RBFOX1: variants seen among roughly 807,000 people sequenced by gnomAD.
The protein encoded by RBFOX1 is RNA binding fox-1 homolog 1.
RBFOX1 carries 8 observed loss-of-function variants against 57.7 expected under a neutral mutation model. That is an observed-to-expected ratio of 0.14 (90% CI 0.08 to 0.25). The LOEUF is 0.25. RBFOX1 is among the 10% of genes least tolerant of loss of function. The pLI, the probability that RBFOX1 is intolerant of heterozygous loss-of-function variation, is 1.00. For synonymous variants in RBFOX1, 326 were observed against 222.4 expected, an observed-to-expected ratio of 1.47 and a Z score of -4.15; for missense variants, 611 against 548.5, an observed-to-expected ratio of 1.11 and a Z score of -1.14.
intron 3 of RBFOX1, among the ~76,000 whole-genome samples, chr16:7,015,307 G>A (rs893998727): frequency 6.6e-6 from 1 of 152,112 alleles, no homozygotes; most frequent in Admixed American, 6.5e-5. Context: ...TCCTGGGATT[G>A]TTCTTCTAGA....
intron 4 of RBFOX1, among the ~76,000 whole-genome samples, chr16:5,992,808 C>T (rs1167333359): frequency 6.6e-6 from 1 of 152,100 alleles, no homozygotes; most frequent in Non-Finnish European, 1.5e-5. Context: ...GTGGCAGGTG[C>T]CTGTAATCCC....
At chr16:7,586,575 T>C (rs1187383413) in intron 6 of RBFOX1, among the ~76,000 whole-genome samples, 1 of 152,204 alleles carries the variant, frequency 6.6e-6, no homozygotes, top group East Asian at 1.9e-4. Flanking sequence ...GTGTCTGCAT[T>C]TTATTTGTCT....
At chr16:6,823,865 G>C (rs902837897) in intron 3 of RBFOX1, among the ~76,000 whole-genome samples, 10 of 152,116 alleles carry the variant, frequency 6.6e-5, no homozygotes, top group South Asian at 4.1e-4. Context: ...CTGTGGGCTG[G>C]GGTTGAGGGG....
intron 4 of RBFOX1, among the ~76,000 whole-genome samples, chr16:7,221,769 T>C (rs2092749907): frequency 1.3e-5 from 2 of 152,232 alleles, no homozygotes; most frequent in Non-Finnish European, 2.9e-5. Context: ...AAGTTTGTTA[T>C]TCTACCAGAA....
At chr16:7,707,982 T>A (rs1046012884) in intron 14 of RBFOX1, among the ~76,000 whole-genome samples, 1 of 152,150 alleles carries the variant, frequency 6.6e-6, no homozygotes, top group Non-Finnish European at 1.5e-5. Context: ...CAGGAAAATA[T>A]CTGGCAGGGC....
chr16:6,838,580 C>T (rs1310304069), intron 3 of RBFOX1, among the ~76,000 whole-genome samples: 2 of 152,204 alleles, frequency 1.3e-5, no homozygotes, highest in African/African-American at 4.8e-5. Flanking sequence ...TAGTCCTCTT[C>T]TGCTGCCCCT....
chr16:6,320,613 T>C (rs1265072295), intron 2 of RBFOX1, among the ~76,000 whole-genome samples: 2 of 152,166 alleles, frequency 1.3e-5, no homozygotes, highest in African/African-American at 4.8e-5. Flanking sequence ...ACTTATCACC[T>C]TACATAGTTA....
At chr16:6,132,743 C>G (rs1380094486) in intron 1 of RBFOX1, among the ~76,000 whole-genome samples, 1 of 152,072 alleles carries the variant, frequency 6.6e-6, no homozygotes, top group Non-Finnish European at 1.5e-5. Context: ...TATCCCAGCA[C>G]TTTGGGAGGC....
chr16:7,432,089 C>A (rs1451516385), intron 4 of RBFOX1, among the ~76,000 whole-genome samples: 1 of 152,214 alleles, frequency 6.6e-6, no homozygotes, highest in Non-Finnish European at 1.5e-5. Flanking sequence ...GCAGATGGGT[C>A]TTCAGATCCC....
chr16:6,526,865 A>C (rs533628170), intron 2 of RBFOX1, among the ~76,000 whole-genome samples: 9 of 143,534 alleles, frequency 6.3e-5, no homozygotes, highest in Admixed American at 1.4e-4. Context: ...AAAAACAACC[A>C]GAAAAACAGA....
intron 1 of RBFOX1, among the ~76,000 whole-genome samples, chr16:6,229,118 C>A (rs2097438800): frequency 6.6e-6 from 1 of 152,136 alleles, no homozygotes; most frequent in African/African-American, 2.4e-5. Context: ...GTGTCATCCT[C>A]TGAGACGTAG....
chr16:6,925,389 T>A (rs1264962050), intron 3 of RBFOX1, among the ~76,000 whole-genome samples: 1 of 151,896 alleles, frequency 6.6e-6, no homozygotes, highest in East Asian at 1.9e-4. Context: ...TCTCCGAACG[T>A]GCCGGGATTA....
intron 4 of RBFOX1, among the ~76,000 whole-genome samples, chr16:5,974,777 G>A (rs1330074639): frequency 2.6e-5 from 4 of 152,156 alleles, no homozygotes; most frequent in Non-Finnish European, 4.4e-5. Flanking sequence ...GGGAGGCAGA[G>A]GTGGGAGGAT....
chr16:6,537,492 G>T (rs1031206233), intron 2 of RBFOX1, among the ~76,000 whole-genome samples: 1 of 152,154 alleles, frequency 6.6e-6, no homozygotes, highest in African/African-American at 2.4e-5. Context: ...GAGTTGAGGG[G>T]CTATAAGCTT....
At chr16:6,651,257 T>G (rs540521064) in intron 2 of RBFOX1, among the ~76,000 whole-genome samples, 1 of 152,324 alleles carries the variant, frequency 6.6e-6, no homozygotes, top group Admixed American at 6.5e-5. Context: ...ATGCCCTCCC[T>G]GCCTCCATGG....
intron 3 of RBFOX1, among the ~76,000 whole-genome samples, chr16:5,777,762 C>G (rs1016706080): frequency 6.6e-6 from 1 of 152,184 alleles, no homozygotes; most frequent in African/African-American, 2.4e-5. Context: ...ACTTCTTTAA[C>G]TTACATTTCA....
chr16:7,706,943 C>A (rs147664528), intron 14 of RBFOX1, among the ~76,000 whole-genome samples: 4 of 152,176 alleles, frequency 2.6e-5, no homozygotes, highest in East Asian at 3.9e-4. Flanking sequence ...GCCCTTGGAC[C>A]GATACCTGTT....
At chr16:7,205,042 GC>G (rs2089633310) in intron 4 of RBFOX1, among the ~76,000 whole-genome samples, 1 of 152,110 alleles carries the variant, frequency 6.6e-6, no homozygotes, top group African/African-American at 2.4e-5. Flanking sequence ...GGAGTATGAT[GC>G]CACTCCTCTA....
chr16:6,280,951 A>T (rs187166441), intron 1 of RBFOX1, among the ~76,000 whole-genome samples: 4,034 of 144,318 alleles, frequency 0.028, 119 homozygotes, highest in African/African-American at 0.084. Flanking sequence ...TGCTAGCAAC[A>T]TATGTGTGTG....
Sources: allele counts gnomAD v4.1 joint callset (sites outside exome capture counted in the v4.1 genomes callset), GRCh38; gene constraint gnomAD v4.1.1; transcripts MANE v1.5; gene names NCBI Gene and HGNC (gene_info 2026-07-23, HGNC 2026-07-21).